Variants in STYXL2 observed in about 807,000 individuals in gnomAD.
STYXL2 encodes serine/threonine/tyrosine-interacting-like protein 2.
A neutral mutation model predicts 52.4 loss-of-function variants in STYXL2; 44 were observed. The ratio of observed to expected loss-of-function variants is 0.84; its 90% CI spans 0.66 to 1.08. The LOEUF is 1.08. STYXL2 is among the 50% of genes least tolerant of loss of function. The probability of loss-of-function intolerance (pLI) is 0.00; values close to 1 mark genes in which losing one functional copy is unlikely to be tolerated. For missense variants in STYXL2, 1,604 were observed against 1,471.7 expected (o/e 1.09, Z -1.47); for synonymous variants, 604 against 586.9 (o/e 1.03, Z -0.42).
intron 2 of STYXL2, among the ~76,000 whole-genome samples, chr1:167,102,091 A>AG (rs887043493): frequency 3.7e-4 from 56 of 151,710 alleles, no homozygotes; most frequent in Admixed American, 3.0e-3. Flanking sequence ...ATTCTAGAAA[A>AG]TGCAAACCCA....
Position 167,128,596 on chromosome 1 carries a change from G to A in STYXL2, c.3465G>A (p.Arg1155=). The change falls in exon 6 of 6, where the codon AGG becomes AGA. Residue 1155 remains arginine (R), a synonymous_variant. Transcript: ENST00000361200. ...QEETRTKLQK[R]RED is the part of the protein sequence containing the mutation. ...AAACCAGGACCAAGCTGCAGAAAAG[G>A]AGGGAGGACTGAGCTGGGGAAAATC... 2 of 1,611,770 alleles carry A rather than the reference G, an allele frequency of 1.2e-6. No individual in the cohort carries two copies. The highest frequency in any genetic ancestry group is 1.1e-5 in the South Asian group (1 of 90,926).
At chr1:167,111,513 T>TATATACACACAC (rs1211215448) in intron 2 of STYXL2, among the ~76,000 whole-genome samples, 1 of 50,124 alleles carries the variant, frequency 2.0e-5, no homozygotes, top group African/African-American at 1.2e-4. Flanking sequence ...TATATATATA[T>TATATACACACAC]ACACACACAC....
chr1:167,111,859 A>G (rs563949293), intron 2 of STYXL2, among the ~76,000 whole-genome samples: 75 of 152,290 alleles, frequency 4.9e-4, no homozygotes, highest in African/African-American at 1.6e-3. Context: ...ATGTCCATGT[A>G]ACCAAACCTG....
chr1:167,114,070 C>T (rs989373952), intron 3 of STYXL2, among the ~76,000 whole-genome samples: 4 of 152,258 alleles, frequency 2.6e-5, no homozygotes, highest in South Asian at 2.1e-4. Context: ...TTTTTGGTTA[C>T]CTCAGGGGTC....
Position 167,126,054 on chromosome 1 carries a change from G to C in STYXL2, c.923G>C (p.Arg308Thr). Residue 308 changes from arginine (R) to threonine (T), a missense_variant, in exon 6 of 6, where the codon AGA becomes ACA. Physicochemically the swap from Arg to Thr is moderately conservative, Grantham distance 71. Coordinates refer to ENST00000361200, the MANE Select transcript of STYXL2 (RefSeq NM_001080426.3). ...GGCACTGGGAGCATGCTCGGGGCCA[G>C]AGTGCACGCCCTGACGGTGGAAGAG... ...GEGTGSMLGA[R>T]VHALTVEEED... The C allele has an allele frequency of 1.3e-6, 2 of 1,576,858 alleles. No homozygotes were observed. The highest frequency in any genetic ancestry group is 1.2e-5 in the South Asian group (1 of 84,170).
intron 2 of STYXL2, among the ~76,000 whole-genome samples, chr1:167,098,501 A>C (rs962006757): frequency 1.3e-5 from 2 of 152,214 alleles, no homozygotes; most frequent in Non-Finnish European, 2.9e-5. Flanking sequence ...GATATACAAA[A>C]GTTAACAAAG....
In STYXL2 at chr1:167,126,520, C is replaced by A. The variant is rs750366251; in HGVS notation, c.1389C>A (p.Gly463=). ...TGGAGCTGAACCGCCCGGACCACGGCAGGAGGCGCCGCGCAGACTCGATGT... is the reference window on the plus strand; with the variant it reads ...TGGAGCTGAACCGCCCGGACCACGGAAGGAGGCGCCGCGCAGACTCGATGT... ...QQLELNRPDH[G]RRRRADSMSS... The change falls in exon 6 of 6, where the codon GGC becomes GGA. Residue 463 remains glycine, a synonymous_variant. Transcript: ENST00000361200. 1.2e-6 allele frequency: 2 copies of A among 1,612,824 alleles called. No individual in the cohort carries two copies. Among genetic ancestry groups the A allele is most frequent in the Non-Finnish European group, 1.7e-6 (2 of 1,179,686 alleles).
At chr1:167,117,231 C>A in intron 3 of STYXL2, 97 bp from the exon 4 acceptor site, 1 of 1,126,394 alleles carries the variant, frequency 8.9e-7, no homozygotes, top group Non-Finnish European at 1.3e-6. Context: ...TGCCCAGAAT[C>A]CTGGCAGCAA....
Position 167,128,114 on chromosome 1 carries a change from G to A in STYXL2, c.2983G>A (p.Glu995Lys), listed in dbSNP as rs1431444218. Residue 995 changes from glutamate to lysine, a missense_variant, in exon 6 of 6, where the codon GAG becomes AAG. Transcript: ENST00000361200. The part of the protein sequence containing the change: ...SEEQDTSSYH[E>K]ANGNSVRSTS... ...GGAACAGGACACCTCCTCCTACCAC[G>A]AGGCAAATGGCAACTCTGTAAGAAG... 5.6e-6 allele frequency: 9 copies of A among 1,614,080 alleles called. No homozygotes were observed. Among genetic ancestry groups the A allele is most frequent in the Middle Eastern group, 1.6e-4 (1 of 6,084 alleles).
At chr1:167,114,274 T>C (rs1364260328) in intron 3 of STYXL2, among the ~76,000 whole-genome samples, 1 of 152,230 alleles carries the variant, frequency 6.6e-6, no homozygotes, top group Non-Finnish European at 1.5e-5. Flanking sequence ...AATATGTTAA[T>C]ATTTACACAG....
intron 5 of STYXL2, 126 bp downstream of exon 5, chr1:167,119,592 T>A: frequency 1.3e-6 from 1 of 777,754 alleles, no homozygotes; most frequent in Non-Finnish European, 2.1e-6. Context: ...CTGTTTTCTC[T>A]AAGAAAAGGA....
At chr1:167,112,148 C>T (rs1286488834) in intron 2 of STYXL2, among the ~76,000 whole-genome samples, 1 of 152,158 alleles carries the variant, frequency 6.6e-6, no homozygotes, top group Non-Finnish European at 1.5e-5. Context: ...TTTTTGGTCA[C>T]AGGAGTACTT....
chr1:167,122,036 C>G (rs934112916), intron 5 of STYXL2, among the ~76,000 whole-genome samples: 2 of 152,148 alleles, frequency 1.3e-5, no homozygotes, highest in East Asian at 3.9e-4. Flanking sequence ...CTGGCGCCGG[C>G]GTTTTACATG....
At chr1:167,115,984 G>A (rs954861353) in intron 3 of STYXL2, among the ~76,000 whole-genome samples, 1 of 152,098 alleles carries the variant, frequency 6.6e-6, no homozygotes, top group Admixed American at 6.5e-5. Context: ...CAGATTCCAC[G>A]AGGGGCTGGA....
Position 167,113,746 on chromosome 1 carries a change from T to C in STYXL2, c.147T>C (p.Ile49=). ...TCTCAGATGCAGAAACAGAAAGCATTTTCATGGAACCCATTCACCTCTCCT... is the reference window on the plus strand; with the variant it reads ...TCTCAGATGCAGAAACAGAAAGCATCTTCATGGAACCCATTCACCTCTCCT... ...SMVSDAETES[I]FMEPIHLSSA... Residue 49 remains isoleucine (I), a synonymous_variant, in exon 3 of 6, where the codon ATT becomes ATC. Transcript: ENST00000361200. 6.2e-7 allele frequency: 1 copy of C among 1,614,074 alleles called. No individual in the cohort carries two copies. The highest frequency in any genetic ancestry group is 2.2e-5 in the East Asian group (1 of 44,878).
chr1:167,120,762 G>A (rs1045367305), intron 5 of STYXL2, among the ~76,000 whole-genome samples: 21 of 145,516 alleles, frequency 1.4e-4, no homozygotes, highest in African/African-American at 1.5e-4. Flanking sequence ...GATTACAGGC[G>A]TGAACCACCA....
intron 3 of STYXL2, among the ~76,000 whole-genome samples, chr1:167,115,145 G>A (rs767658104): frequency 6.6e-6 from 1 of 152,200 alleles, no homozygotes; most frequent in Non-Finnish European, 1.5e-5. Flanking sequence ...CAAAAGATGT[G>A]CAATGCCTTG....
intron 2 of STYXL2, among the ~76,000 whole-genome samples, chr1:167,105,811 G>T (rs1667496494): frequency 6.6e-6 from 1 of 152,134 alleles, no homozygotes. Flanking sequence ...TTCCACACTG[G>T]GTAATACGGA....
rs1351430703 is a variant in STYXL2 at position 167,128,465 on chromosome 1, T to C, written c.3334T>C (p.Phe1112Leu). 1 of 1,612,258 alleles carries C rather than the reference T, an allele frequency of 6.2e-7. No individual in the cohort carries two copies. The highest frequency in any genetic ancestry group is 8.5e-7 in the Non-Finnish European group (1 of 1,179,546). ...ERTENREEGR[F>L]ASGRRSQYRR... ...GACAGAAAACAGAGAAGAAGGGAGG[T>C]TTGCATCTGGACGGCGGTCCCAGTA... The change falls in exon 6 of 6, where the codon TTT (phenylalanine) becomes CTT (leucine). Residue 1112 changes from phenylalanine (F) to leucine (L), a missense_variant. By Grantham distance (22) the Phe-to-Leu change is conservative (BLOSUM62 0). Coordinates refer to ENST00000361200, the MANE Select transcript of STYXL2 (RefSeq NM_001080426.3).
Sources: allele counts gnomAD v4.1 joint callset (sites outside exome capture counted in the v4.1 genomes callset), GRCh38; gene constraint gnomAD v4.1.1; transcripts MANE v1.5; gene names NCBI Gene and HGNC (gene_info 2026-07-23, HGNC 2026-07-21).